Variants in DHRSX observed in about 807,000 individuals in gnomAD.
DHRSX encodes the protein polyprenol dehydrogenase.
DHRSX carries 31 observed loss-of-function variants against 34.0 expected under a neutral mutation model. The ratio of observed to expected loss-of-function variants is 0.91; its 90% CI spans 0.69 to 1.23. The LOEUF is 1.23. Ranked by LOEUF, DHRSX falls within the 50% of genes most tolerant of loss-of-function variation. The pLI is 0.00. For synonymous variants in DHRSX, 201 were observed against 183.8 expected (o/e 1.09, Z -0.76); for missense variants, 414 against 428.1 (o/e 0.97, Z 0.29).
chrX:2,227,437 CAG>C (rs947617300), intron 6 of DHRSX, among the ~76,000 whole-genome samples: 3 of 138,026 alleles, frequency 2.2e-5, no homozygotes, highest in East Asian at 4.4e-4. Flanking sequence ...AGGAGTGACA[CAG>C]AGAGAGAGGG....
At chrX:2,320,975 G>A (rs1182276880) in intron 3 of DHRSX, among the ~76,000 whole-genome samples, 1 of 151,998 alleles carries the variant, frequency 6.6e-6, no homozygotes, top group East Asian at 1.9e-4. Flanking sequence ...CAACATCCGG[G>A]GTTACTTAAC....
intron 1 of DHRSX, among the ~76,000 whole-genome samples, chrX:2,433,472 G>A (rs2043953301): frequency 6.6e-6 from 1 of 151,856 alleles, no homozygotes; most frequent in Non-Finnish European, 1.5e-5. Flanking sequence ...GTGCCACGGT[G>A]GTTTGCTGCA....
chrX:2,388,955 C>T (rs1220459438), intron 3 of DHRSX, among the ~76,000 whole-genome samples: 1 of 152,174 alleles, frequency 6.6e-6, no homozygotes, highest in Admixed American at 6.5e-5. Context: ...GAGAAGACGG[C>T]GTCTACAAGC....
At chrX:2,249,100 A>G (rs190890564) in intron 5 of DHRSX, among the ~76,000 whole-genome samples, 1 of 152,234 alleles carries the variant, frequency 6.6e-6, no homozygotes, top group East Asian at 1.9e-4. Flanking sequence ...AAAACTGGCC[A>G]GACAACCAAA....
intron 1 of DHRSX, among the ~76,000 whole-genome samples, chrX:2,451,533 A>G (rs1477357997): frequency 1.3e-5 from 2 of 152,184 alleles, no homozygotes; most frequent in African/African-American, 4.8e-5. Context: ...TCTTGGTAGC[A>G]AGCGTGTAGG....
rs747440418 is a variant in DHRSX, at chrX:2,315,810, T to C, written c.287-24207A>G. On this transcript the variant is annotated intron_variant, in intron 3 of 6. Transcript: ENST00000334651. Reference sequence around the variant, plus strand: ...GTAGCTTAGGATGCTCTTCCAGGCATGCTGAATTGGGAGGCAAAATTCAGC... The same window carrying C: ...GTAGCTTAGGATGCTCTTCCAGGCACGCTGAATTGGGAGGCAAAATTCAGC... Among the ~76,000 whole-genome samples the C allele has an allele frequency of 2.0e-5, 3 of 152,262 alleles. No individual in the cohort carries two copies. In the South Asian group the frequency reaches 6.2e-4, roughly 32 times the overall value.
At chrX:2,395,543 G>A (rs781768902) in intron 3 of DHRSX, among the ~76,000 whole-genome samples, 1 of 152,246 alleles carries the variant, frequency 6.6e-6, no homozygotes, top group South Asian at 2.1e-4. Flanking sequence ...AACATGTAGC[G>A]CCTCCTGTCA....
intron 1 of DHRSX, among the ~76,000 whole-genome samples, chrX:2,471,634 C>A (rs1055490417): frequency 1.3e-5 from 2 of 151,864 alleles, no homozygotes; most frequent in Non-Finnish European, 2.9e-5. Context: ...GGGCATCAGG[C>A]ACCCCAAAGA....
At chrX:2,363,559 T>C (rs12840226) in intron 3 of DHRSX, among the ~76,000 whole-genome samples, 45,280 of 113,884 alleles carry the variant, frequency 0.4, 12,009 homozygotes, top group Non-Finnish European at 0.48. Flanking sequence ...ATTTTATCAC[T>C]GTTCTATGGT....
intron 1 of DHRSX, among the ~76,000 whole-genome samples, chrX:2,438,675 A>AT (rs1438073919): frequency 2.6e-5 from 4 of 151,006 alleles, no homozygotes; most frequent in Non-Finnish European, 5.9e-5. Flanking sequence ...CTCAAAATAA[A>AT]AAAAAAAAAA....
intron 1 of DHRSX, among the ~76,000 whole-genome samples, chrX:2,443,832 C>T (rs999421895): frequency 1.3e-5 from 2 of 152,020 alleles, no homozygotes; most frequent in African/African-American, 4.8e-5. Flanking sequence ...CAGTGAAACC[C>T]CATCTCTACT....
intron 4 of DHRSX, among the ~76,000 whole-genome samples, chrX:2,284,159 AATTC>A (rs2041773597): frequency 6.6e-6 from 1 of 151,190 alleles, no homozygotes; most frequent in African/African-American, 2.4e-5. Flanking sequence ...CATTCCTTTG[AATTC>A]ATTCCTTTGA....
intron 1 of DHRSX, among the ~76,000 whole-genome samples, chrX:2,440,364 A>C (rs2044047589): frequency 6.6e-6 from 1 of 151,380 alleles, no homozygotes; most frequent in African/African-American, 2.4e-5. Flanking sequence ...GCATGGCCAG[A>C]TAATTTTTGT....
intron 1 of DHRSX, among the ~76,000 whole-genome samples, chrX:2,465,222 C>A (rs2044474499): frequency 1.3e-5 from 2 of 150,534 alleles, no homozygotes; most frequent in Non-Finnish European, 2.9e-5. Flanking sequence ...CACACACTTC[C>A]TACAGCTGTG....
chrX:2,467,138 C>T (rs913987683), intron 1 of DHRSX, among the ~76,000 whole-genome samples: 3 of 151,324 alleles, frequency 2.0e-5, no homozygotes, highest in African/African-American at 7.3e-5. Flanking sequence ...ATTTTTTAAG[C>T]CCTTTAAAAT....
intron 2 of DHRSX, among the ~76,000 whole-genome samples, chrX:2,424,017 G>T (rs1569499612): frequency 6.6e-6 from 1 of 152,192 alleles, no homozygotes; most frequent in Non-Finnish European, 1.5e-5. Flanking sequence ...AAAGCCCAGG[G>T]CCTCAGAATG....
At chrX:2,479,534 AC>A (rs913341441) in intron 1 of DHRSX, among the ~76,000 whole-genome samples, 13 of 149,624 alleles carry the variant, frequency 8.7e-5, no homozygotes, top group African/African-American at 3.2e-4. Flanking sequence ...CGACCAGGGG[AC>A]CGCCACATGT....
intron 3 of DHRSX, among the ~76,000 whole-genome samples, chrX:2,308,313 G>A (rs1188395560): frequency 1.3e-5 from 2 of 152,086 alleles, no homozygotes; most frequent in Non-Finnish European, 2.9e-5. Flanking sequence ...TGAAAAAGGT[G>A]ATGTCTGTAT....
At chrX:2,288,057 G>C (rs147996264) in intron 4 of DHRSX, among the ~76,000 whole-genome samples, 3,554 of 152,080 alleles carry the variant, frequency 0.023, 127 homozygotes, top group African/African-American at 0.081. Flanking sequence ...AGATGATCCT[G>C]GTGGGCCCCA....
Sources: allele counts gnomAD v4.1 joint callset (sites outside exome capture counted in the v4.1 genomes callset), GRCh38; gene constraint gnomAD v4.1.1; transcripts MANE v1.5; gene names NCBI Gene and HGNC (gene_info 2026-07-23, HGNC 2026-07-21).